HEMK2: variants seen among roughly 807,000 people sequenced by gnomAD.
HEMK2 encodes the protein methyltransferase HEMK2.
chr21:28,632,564 G>C, the HEMK2 span, among the ~76,000 whole-genome samples: 29 of 152,200 alleles, frequency 1.9e-4, no homozygotes, highest in Non-Finnish European at 2.8e-4. Flanking sequence ...GTAGAAAGAA[G>C]TGTTAGAGAG....
At chr21:28,619,317 A>C in the HEMK2 span, among the ~76,000 whole-genome samples, 78 of 152,222 alleles carry the variant, frequency 5.1e-4, 1 homozygote, top group Non-Finnish European at 1.9e-4. Flanking sequence ...CAGCTCATAT[A>C]ATTTTGTGCC....
chr21:28,846,813 G>T, the HEMK2 span, among the ~76,000 whole-genome samples: 1 of 152,110 alleles, frequency 6.6e-6, no homozygotes, highest in African/African-American at 2.4e-5. Context: ...GTAAGCTCCA[G>T]TGTCTGTTGT....
At chr21:28,597,219 T>C in the HEMK2 span, among the ~76,000 whole-genome samples, 1 of 152,178 alleles carries the variant, frequency 6.6e-6, no homozygotes. Flanking sequence ...TCTTGAAGGA[T>C]AAATAGCACA....
the HEMK2 span, chr21:28,743,067 TCACA>T: frequency 6.6e-6 from 1 of 152,180 alleles, no homozygotes; most frequent in Non-Finnish European, 1.5e-5. Flanking sequence ...CTGCTCACGT[TCACA>T]CAAACACAGT....
the HEMK2 span, among the ~76,000 whole-genome samples, chr21:28,881,134 T>C: frequency 6.6e-6 from 1 of 152,220 alleles, no homozygotes; most frequent in Admixed American, 6.5e-5. Context: ...TGTGTGCTGT[T>C]AACTTCTTAA....
the HEMK2 span, among the ~76,000 whole-genome samples, chr21:28,831,910 T>C: frequency 6.6e-6 from 1 of 152,108 alleles, no homozygotes; most frequent in Non-Finnish European, 1.5e-5. Context: ...AAACACTGTT[T>C]AATTCAGATT....
the HEMK2 span, among the ~76,000 whole-genome samples, chr21:28,680,888 G>A: frequency 6.6e-6 from 1 of 152,270 alleles, no homozygotes; most frequent in African/African-American, 2.4e-5. Context: ...ATTAGGTATT[G>A]ATGGGACGTA....
the HEMK2 span, among the ~76,000 whole-genome samples, chr21:28,615,641 C>G: frequency 6.6e-6 from 1 of 151,968 alleles, no homozygotes; most frequent in Admixed American, 6.6e-5. Flanking sequence ...TATTTCAAAA[C>G]CAGGAGGAGG....
the HEMK2 span, among the ~76,000 whole-genome samples, chr21:28,755,178 A>C: frequency 4.6e-5 from 7 of 152,202 alleles, no homozygotes; most frequent in Non-Finnish European, 2.9e-5. Flanking sequence ...CAAAATGAGA[A>C]GGCTAATGGC....
chr21:28,778,894 T>G, the HEMK2 span, among the ~76,000 whole-genome samples: 284 of 152,326 alleles, frequency 1.9e-3, 8 homozygotes, highest in East Asian at 0.047. Context: ...ATTTCCATCC[T>G]TTTCACATGG....
chr21:28,782,205 CTTTAT>C, the HEMK2 span, among the ~76,000 whole-genome samples: 1 of 152,190 alleles, frequency 6.6e-6, no homozygotes, highest in Non-Finnish European at 1.5e-5. Flanking sequence ...CATTTCCCTT[CTTTAT>C]TTTAATTATT....
the HEMK2 span, among the ~76,000 whole-genome samples, chr21:28,583,618 C>T: frequency 6.6e-6 from 1 of 152,178 alleles, no homozygotes; most frequent in Non-Finnish European, 1.5e-5. Flanking sequence ...AGTGTCTCAT[C>T]ATTTTAATTC....
At chr21:28,789,195 G>C in the HEMK2 span, among the ~76,000 whole-genome samples, 12 of 152,284 alleles carry the variant, frequency 7.9e-5, no homozygotes, top group African/African-American at 2.6e-4. Context: ...GACGTCCCAG[G>C]TAACATTGGC....
chr21:28,756,505 T>C, the HEMK2 span, among the ~76,000 whole-genome samples: 1 of 152,164 alleles, frequency 6.6e-6, no homozygotes, highest in Non-Finnish European at 1.5e-5. Context: ...CTTTAGCTCC[T>C]ATTTGAGTCT....
the HEMK2 span, among the ~76,000 whole-genome samples, chr21:28,854,989 T>C: frequency 6.6e-6 from 1 of 152,198 alleles, no homozygotes; most frequent in East Asian, 1.9e-4. Context: ...AACAACATTA[T>C]GACAGCAACA....
At chr21:28,806,039 T>C in the HEMK2 span, among the ~76,000 whole-genome samples, 1 of 152,220 alleles carries the variant, frequency 6.6e-6, no homozygotes, top group East Asian at 1.9e-4. Flanking sequence ...CATGGCATAG[T>C]GTCTGTTTTC....
chr21:28,684,658 T>C, the HEMK2 span, among the ~76,000 whole-genome samples: 1 of 152,210 alleles, frequency 6.6e-6, no homozygotes, highest in Non-Finnish European at 1.5e-5. Flanking sequence ...CAGGATTGTG[T>C]CTTTCAGAAT....
chr21:28,866,156 AAAAACAAAC>A, the HEMK2 span, among the ~76,000 whole-genome samples: 23 of 83,714 alleles, frequency 2.7e-4, 3 homozygotes, highest in Admixed American at 2.2e-3. Flanking sequence ...CAGAAAAAAC[AAAAACAAAC>A]AAAAAAAAAA....
At chr21:28,726,573 T>A in the HEMK2 span, among the ~76,000 whole-genome samples, 1 of 152,340 alleles carries the variant, frequency 6.6e-6, no homozygotes, top group African/African-American at 2.4e-5. Context: ...TGAGATTTTT[T>A]AGAGTTACAT....
Sources: gnomAD v4.1 joint callset for allele counts (sites outside exome capture counted in the v4.1 genomes callset) on GRCh38, gnomAD v4.1.1 for gene constraint, MANE v1.5 for transcripts, NCBI Gene and HGNC (gene_info 2026-07-23, HGNC 2026-07-21) for gene names.